The following PIGS variants were observed in gnomAD, a reference collection of about 807,000 sequenced individuals.
PIGS encodes the protein GPI-anchor transamidase component PIGS.
Under a neutral mutation model 58.2 loss-of-function variants are expected in PIGS, and 37 were observed. The ratio of observed to expected loss-of-function variants is 0.64; its 90% CI spans 0.49 to 0.84. The LOEUF (loss-of-function observed/expected upper bound fraction) is 0.84. Among genes scored for constraint, PIGS ranks in the 40% least tolerant of loss-of-function variants. The pLI, the probability that PIGS is intolerant of heterozygous loss-of-function variation, is 0.00. For synonymous variants in PIGS, 269 were observed against 289.2 expected, an observed-to-expected ratio of 0.93 and a Z score of 0.71; for missense variants, 629 against 710.8, an observed-to-expected ratio of 0.88 and a Z score of 1.31.
Position 28,558,551 on chromosome 17 carries a change from C to A in PIGS, c.859G>T (p.Asp287Tyr). Residue 287 changes from aspartate (D) to tyrosine (Y), a missense_variant, in exon 8 of 12, where the codon GAC (aspartate) becomes TAC (tyrosine). Transcript: ENST00000308360. ...YAMLGVNPRFDSASSSYYLDM... is the reference protein window; with the variant it reads ...YAMLGVNPRFYSASSSYYLDM... Reference sequence around the variant, plus strand: ...AAATAGTAGCTGGAGGAAGCTGAGTCAAAGCGGGGATTCACCCCCAACATT... The same window carrying A: ...AAATAGTAGCTGGAGGAAGCTGAGTAAAAGCGGGGATTCACCCCCAACATT... The A allele has an allele frequency of 6.2e-7, 1 of 1,612,942 alleles. No homozygotes were observed. Among genetic ancestry groups the A allele is most frequent in the South Asian group, 1.1e-5 (1 of 90,620 alleles).
intron 9 of PIGS, 106 bp from the exon 10 acceptor site, chr17:28,556,372 G>T: frequency 1.1e-6 from 1 of 873,490 alleles, no homozygotes; most frequent in Non-Finnish European, 1.9e-6. Flanking sequence ...CTCTTTAGAA[G>T]CTATAAACCT....
At chr17:28,563,947 A>G in intron 3 of PIGS, 40 bp from the exon 4 acceptor site, 2 of 1,548,742 alleles carry the variant, frequency 1.3e-6, no homozygotes, top group Non-Finnish European at 1.8e-6. Context: ...AAGGGCAAGC[A>G]TCATGCCTCT....
chr17:28,560,910 C>T (rs1199423757), intron 6 of PIGS, among the ~76,000 whole-genome samples: 2 of 152,078 alleles, frequency 1.3e-5, no homozygotes, highest in Admixed American at 6.6e-5. Flanking sequence ...GCCAAGATCA[C>T]GCCACTGCAC....
rs149594485 is a variant in PIGS, at chr17:28,554,272, T to C, written c.1616A>G (p.Lys539Arg). 35 of 1,614,072 alleles carry C rather than the reference T, an allele frequency of 2.2e-5. No homozygotes were observed. The African/African-American group carries it at 4.0e-4, about 18-fold the overall frequency. Residue 539 changes from lysine to arginine, a missense_variant, in exon 12 of 12, where the codon AAG (lysine) becomes AGG (arginine). Coordinates refer to ENST00000308360, the MANE Select transcript of PIGS (RefSeq NM_033198.4). ...MAVPILLSLV[K>R]IFLETRKSWR... Reference sequence around the variant, plus strand: ...GGACTTGCGGGTCTCCAGGAAGATCTTGACCAGGGACAGGAGGATGGGCAC... The same window carrying C: ...GGACTTGCGGGTCTCCAGGAAGATCCTGACCAGGGACAGGAGGATGGGCAC...
At chr17:28,562,342 C>T (rs1213764839) in intron 5 of PIGS, among the ~76,000 whole-genome samples, 6 of 152,186 alleles carry the variant, frequency 3.9e-5, no homozygotes, top group East Asian at 1.9e-4. Context: ...AAGTACACAC[C>T]GTGCTACTGC....
Position 28,554,029 on chromosome 17 carries a change from GC to G in PIGS, c.*190del, listed in dbSNP as rs1427838217. The G allele has an allele frequency of 1.3e-5, 9 of 698,398 alleles. No homozygotes were observed. The highest frequency in any genetic ancestry group is 2.1e-5 in the Non-Finnish European group (9 of 429,724). The allele number at this position is 698,398 out of a possible 1,614,324, so 43.3% of individuals were successfully genotyped here. On this transcript the variant is annotated 3_prime_UTR_variant, in exon 12 of 12. Transcript: ENST00000308360. ...GCCCCTGGTGGTGGAGGAGGATTGA[GC>G]CAGGTGAATGGGAAAGGAAGAAAAG... is the stretch of plus-strand genomic sequence containing the variant.
chr17:28,559,435 C>A (rs541585965), intron 7 of PIGS, among the ~76,000 whole-genome samples: 1 of 151,346 alleles, frequency 6.6e-6, no homozygotes, highest in African/African-American at 2.4e-5. Flanking sequence ...AAGATCGAGA[C>A]CATCCTGGCC....
At chr17:28,568,225 C>T (rs1192405170) in intron 3 of PIGS, among the ~76,000 whole-genome samples, 7 of 152,048 alleles carry the variant, frequency 4.6e-5, no homozygotes, top group Non-Finnish European at 8.8e-5. Flanking sequence ...GCCTCAGCCT[C>T]CCAAGTAGCT....
chr17:28,564,797 T>G (rs887942578), intron 3 of PIGS, among the ~76,000 whole-genome samples: 1 of 151,672 alleles, frequency 6.6e-6, no homozygotes, highest in African/African-American at 2.4e-5. Flanking sequence ...GAGGATGACT[T>G]GAGCCTGAGA....
At chr17:28,554,709 G>A in intron 11 of PIGS, 142 bp downstream of exon 11, 3 of 1,249,154 alleles carry the variant, frequency 2.4e-6, no homozygotes, top group South Asian at 1.2e-5. Context: ...GGCTGGTACT[G>A]CCGTCTAGAG....
rs553213437 is a variant in PIGS at position 28,560,369 on chromosome 17, C to T, written c.677-178G>A. On this transcript the variant is annotated intron_variant, in intron 6 of 11. Transcript: ENST00000308360. ...CACTGAGTAAGAAAAAGCTGCCGGG[C>T]GCTGTGGCTCATGTCTGTAATCCCA... 4.0e-4 allele frequency: 269 copies of T among 676,290 alleles called. 1 individual carries two copies. Among genetic ancestry groups the T allele is most frequent in the South Asian group, 3.4e-3 (159 of 47,296 alleles). The allele number at this position is 676,290 out of a possible 1,614,324, so 41.9% of individuals were successfully genotyped here.
chr17:28,568,355 G>C (rs1024476665), intron 3 of PIGS, among the ~76,000 whole-genome samples: 2 of 151,968 alleles, frequency 1.3e-5, no homozygotes, highest in Non-Finnish European at 2.9e-5. Context: ...TGCCTGCCTC[G>C]GCCTCCCAAA....
chr17:28,558,591 C>G lies in PIGS; in HGVS notation c.820-1G>C. ...CCCCCAACATTGCATAGTAAAGAAT[C>G]TGTAGAGCAAACAGGGAGTGGTTAC... On this transcript the variant is annotated splice_acceptor_variant, in intron 7 of 11. Transcript: ENST00000308360. LOFTEE classifies it high-confidence loss of function. 1.2e-6 allele frequency: 2 copies of G among 1,602,138 alleles called. No individual in the cohort carries two copies. The highest frequency in any genetic ancestry group is 1.7e-6 in the Non-Finnish European group (2 of 1,172,208).
At chr17:28,562,754 A>G (rs2070371233) in intron 5 of PIGS, among the ~76,000 whole-genome samples, 1 of 147,848 alleles carries the variant, frequency 6.8e-6, no homozygotes. Flanking sequence ...TTGTTAGTAG[A>G]GATGGGGAGT....
At chr17:28,563,654 A>ACCT (rs2070378347) in intron 4 of PIGS, 132 bp from the exon 5 acceptor site, 3 of 1,192,086 alleles carry the variant, frequency 2.5e-6, no homozygotes, top group Non-Finnish European at 3.7e-6. Context: ...AAGCCAATCA[A>ACCT]CCTCTCTGGC....
chr17:28,571,275 C>G, intron 1 of PIGS, 87 bp from the exon 2 acceptor site: 1 of 1,545,756 alleles, frequency 6.5e-7, no homozygotes, highest in Admixed American at 1.9e-5. Context: ...CAACCACCGG[C>G]CTCCAGGGGC....
chr17:28,570,722 A>G (rs1046479013), intron 3 of PIGS, 130 bp downstream of exon 3: 4 of 827,172 alleles, frequency 4.8e-6, no homozygotes, highest in African/African-American at 3.4e-5. Context: ...GACCAAACAC[A>G]CTGTTCATTC....
intron 3 of PIGS, among the ~76,000 whole-genome samples, chr17:28,565,672 T>A (rs1216298824): frequency 6.6e-6 from 1 of 152,138 alleles, no homozygotes; most frequent in African/African-American, 2.4e-5. Context: ...GAAGATTGCT[T>A]AAGCCTAGGA....
At chr17:28,558,166 T>G (rs1480267831) in intron 8 of PIGS, among the ~76,000 whole-genome samples, 1 of 152,114 alleles carries the variant, frequency 6.6e-6, no homozygotes, top group Non-Finnish European at 1.5e-5. Flanking sequence ...ATTAGCCAAG[T>G]GTAGTGGCAC....
Sources: allele counts gnomAD v4.1 joint callset (sites outside exome capture counted in the v4.1 genomes callset), GRCh38; gene constraint gnomAD v4.1.1; transcripts MANE v1.5; gene names NCBI Gene and HGNC (gene_info 2026-07-23, HGNC 2026-07-21).